MACROD2: variants seen among roughly 807,000 people sequenced by gnomAD.
The protein encoded by MACROD2 is mono-ADP ribosylhydrolase 2.
MACROD2 carries 36 observed loss-of-function variants against 70.4 expected under a neutral mutation model. That is an observed-to-expected ratio of 0.51 (90% CI 0.39 to 0.68). The LOEUF is 0.68. Ranked by LOEUF, MACROD2 falls within the 30% of genes least tolerant of loss-of-function variation. MACROD2 has a pLI of 0.00. For missense variants in MACROD2, 496 were observed against 538.4 expected (o/e 0.92, Z 0.78); for synonymous variants, 172 against 178.8 (o/e 0.96, Z 0.30).
At chr20:15,482,081 C>A (rs1183593791) in intron 7 of MACROD2, among the ~76,000 whole-genome samples, 2 of 152,152 alleles carry the variant, frequency 1.3e-5, no homozygotes, top group African/African-American at 4.8e-5. Flanking sequence ...TACTTCAGGC[C>A]ATACAGATGA....
chr20:14,971,778 C>G (rs769708202), intron 5 of MACROD2, among the ~76,000 whole-genome samples: 85 of 152,202 alleles, frequency 5.6e-4, no homozygotes, highest in Admixed American at 2.6e-3. Flanking sequence ...CCACCCCACC[C>G]TAATCTTATA....
At chr20:14,239,764 A>G (rs544633609) in intron 3 of MACROD2, among the ~76,000 whole-genome samples, 65 of 152,340 alleles carry the variant, frequency 4.3e-4, no homozygotes, top group African/African-American at 1.4e-3. Flanking sequence ...CATTCTGGAC[A>G]CAGGCCCTAA....
At chr20:15,941,736 G>A (rs1416804884) in intron 12 of MACROD2, among the ~76,000 whole-genome samples, 1 of 152,150 alleles carries the variant, frequency 6.6e-6, no homozygotes, top group African/African-American at 2.4e-5. Flanking sequence ...TCCTGAAGAA[G>A]CCCTTGCTCT....
intron 5 of MACROD2, among the ~76,000 whole-genome samples, chr20:14,916,080 CA>C (rs1600817504): frequency 1.3e-5 from 2 of 152,136 alleles, no homozygotes; most frequent in East Asian, 3.9e-4. Context: ...AGTGAAAATG[CA>C]AAATACCATT....
At chr20:15,669,318 G>A (rs972487314) in intron 8 of MACROD2, among the ~76,000 whole-genome samples, 2 of 152,226 alleles carry the variant, frequency 1.3e-5, no homozygotes, top group African/African-American at 2.4e-5. Flanking sequence ...TTGCACACAT[G>A]AAATGTGCAG....
chr20:14,852,589 T>TA (rs1192936995), intron 5 of MACROD2, among the ~76,000 whole-genome samples: 1 of 152,052 alleles, frequency 6.6e-6, no homozygotes, highest in African/African-American at 2.4e-5. Context: ...GCAGGCCCCT[T>TA]AGGTGGCTCT....
rs189581441 is a variant in MACROD2 at position 14,963,415 on chromosome 20, G to A, written c.419-266525G>A. On this transcript the variant is annotated intron_variant, in intron 5 of 17. Coordinates refer to ENST00000684519, the MANE Select transcript of MACROD2 (RefSeq NM_001351661.2). ...TCATTATTCTATTAGACAATGGGAC[G>A]CTTGGGTTTTGACTAAGGCTGCTCA... Among the ~76,000 whole-genome samples, 13 of 152,196 alleles carry A rather than the reference G, an allele frequency of 8.5e-5. No individual in the cohort carries two copies. The South Asian group carries it at 1.5e-3, about 17-fold the overall frequency.
intron 7 of MACROD2, among the ~76,000 whole-genome samples, chr20:15,449,687 A>G (rs1352749243): frequency 6.6e-6 from 1 of 152,136 alleles, no homozygotes; most frequent in Non-Finnish European, 1.5e-5. Context: ...CTAGTGATCT[A>G]GTAACATTTT....
At chr20:14,533,491 C>A (rs1490074742) in intron 4 of MACROD2, among the ~76,000 whole-genome samples, 3 of 152,044 alleles carry the variant, frequency 2.0e-5, no homozygotes, top group African/African-American at 7.2e-5. Context: ...AAATAAATGA[C>A]CTCTAGGTTT....
intron 5 of MACROD2, among the ~76,000 whole-genome samples, chr20:15,037,321 T>G (rs1427817152): frequency 6.6e-6 from 1 of 152,234 alleles, no homozygotes; most frequent in African/African-American, 2.4e-5. Flanking sequence ...TAGTTATTAA[T>G]GAGAAATCCT....
chr20:14,439,362 T>A (rs2084094915), intron 3 of MACROD2, among the ~76,000 whole-genome samples: 1 of 152,210 alleles, frequency 6.6e-6, no homozygotes, highest in African/African-American at 2.4e-5. Context: ...TCAGAATTGC[T>A]TTGGCTATTC....
chr20:15,254,915 G>T (rs1207208627), intron 6 of MACROD2, among the ~76,000 whole-genome samples: 2 of 149,398 alleles, frequency 1.3e-5, no homozygotes, highest in Non-Finnish European at 3.0e-5. Flanking sequence ...AAACCATTTG[G>T]GGCCAAAGCA....
At chr20:15,740,134 AG>A (rs2051082450) in intron 8 of MACROD2, among the ~76,000 whole-genome samples, 2 of 152,206 alleles carry the variant, frequency 1.3e-5, no homozygotes, top group African/African-American at 4.8e-5. Flanking sequence ...AGACAAGGAA[AG>A]AAAGAAAATG....
In MACROD2 at chr20:16,049,821, T is replaced by C; in HGVS notation, c.1301-9T>C. The C allele has an allele frequency of 6.2e-7, 1 of 1,613,408 alleles. No homozygotes were observed. Among genetic ancestry groups the C allele is most frequent in the East Asian group, 2.2e-5 (1 of 44,826 alleles). On this transcript the variant is annotated splice_polypyrimidine_tract_variant and intron_variant, in intron 17 of 17. Transcript: ENST00000684519. ...TTTAATCTAACAAATGGCTTCTCTTTGTCTTCAGCAGGGGCACAAGATGAA... is the reference window on the plus strand; with the variant it reads ...TTTAATCTAACAAATGGCTTCTCTTCGTCTTCAGCAGGGGCACAAGATGAA...
intron 8 of MACROD2, among the ~76,000 whole-genome samples, chr20:15,662,275 T>C (rs1381923170): frequency 6.6e-6 from 1 of 152,216 alleles, no homozygotes; most frequent in Non-Finnish European, 1.5e-5. Context: ...ACTGTATCAG[T>C]ATCCCCGGGC....
intron 8 of MACROD2, among the ~76,000 whole-genome samples, chr20:15,600,214 C>T (rs969409271): frequency 1.3e-5 from 2 of 152,018 alleles, no homozygotes; most frequent in Non-Finnish European, 2.9e-5. Context: ...TGCTGTGCAC[C>T]GAGACCCCTG....
At chr20:15,605,757 T>G (rs2048884757) in intron 8 of MACROD2, among the ~76,000 whole-genome samples, 1 of 152,324 alleles carries the variant, frequency 6.6e-6, no homozygotes, top group Admixed American at 6.5e-5. Flanking sequence ...TTAGTCCATA[T>G]TTTATGACAT....
intron 3 of MACROD2, among the ~76,000 whole-genome samples, chr20:14,297,676 A>G (rs895774319): frequency 6.6e-6 from 1 of 151,998 alleles, no homozygotes; most frequent in Non-Finnish European, 1.5e-5. Flanking sequence ...AGCCATTTCC[A>G]TAACATAAAA....
intron 5 of MACROD2, among the ~76,000 whole-genome samples, chr20:14,843,243 C>G: frequency 6.9e-6 from 1 of 145,834 alleles, no homozygotes; most frequent in Non-Finnish European, 1.5e-5. Context: ...GGAAAGAAAG[C>G]CATTATCTAA....
Sources: allele counts gnomAD v4.1 joint callset (sites outside exome capture counted in the v4.1 genomes callset), GRCh38; gene constraint gnomAD v4.1.1; transcripts MANE v1.5; gene names NCBI Gene and HGNC (gene_info 2026-07-23, HGNC 2026-07-21).